Variants in MTMR6 observed in about 807,000 individuals in gnomAD.
The protein encoded by MTMR6 is phosphatidylinositol-3,5-bisphosphate 3-phosphatase MTMR6.
In MTMR6, 47 loss-of-function variants were observed where a neutral mutation model predicts 80.1. That is an observed-to-expected ratio of 0.59 (90% CI 0.46 to 0.75). The LOEUF (loss-of-function observed/expected upper bound fraction) is 0.75, where lower values mean the gene tolerates loss of function less well. Ranked by LOEUF, MTMR6 falls within the 30% of genes least tolerant of loss-of-function variation. The pLI, the probability that MTMR6 is intolerant of heterozygous loss-of-function variation, is 0.00. For synonymous variants in MTMR6, 254 were observed against 253.0 expected, an observed-to-expected ratio of 1.00 and a Z score of -0.04; for missense variants, 629 against 730.9, an observed-to-expected ratio of 0.86 and a Z score of 1.61.
chr13:25,273,652 A>C (rs906523330), intron 2 of MTMR6, among the ~76,000 whole-genome samples: 3 of 151,638 alleles, frequency 2.0e-5, no homozygotes, highest in Non-Finnish European at 4.4e-5. Flanking sequence ...CACCCTCCCA[A>C]GTAGCTGGGA....
At position 25,280,758 on chromosome 13, in the gene MTMR6, G is replaced by GA. The variant is rs1313569570; in HGVS notation, c.24+6465dup. On this transcript the variant is annotated intron_variant, in intron 1 of 13. Transcript: ENST00000381801. ...GTATCATCACAGCCAAAAAGTAAAT[G>GA]AAAAAAAAGAAAAAAAGACTTTGGG... 4.6e-5 allele frequency among the ~76,000 whole-genome samples: 7 copies of GA among 150,670 alleles called. No individual in the cohort carries two copies. The South Asian group carries it at 6.3e-4, about 14-fold the overall frequency.
chr13:25,253,824 A>G lies in MTMR6; in HGVS notation c.1286T>C (p.Ile429Thr), dbSNP rs1049973322. The G allele has an allele frequency of 6.2e-7, 1 of 1,614,020 alleles. No homozygotes were observed. Among genetic ancestry groups the G allele is most frequent in the African/African-American group, 1.3e-5 (1 of 74,918 alleles). Reference protein sequence around the residue: ...EAFLLQIHEHIHSCQFGNFLG... With the variant: ...EAFLLQIHEHTHSCQFGNFLG... Reference sequence around the variant, plus strand: ...GAAGTTTCCAAACTGGCATGAATGAATATGCTCATGGATCTGAAGAAGAAA... The same window carrying G: ...GAAGTTTCCAAACTGGCATGAATGAGTATGCTCATGGATCTGAAGAAGAAA... The change falls in exon 11 of 14, where the codon ATT becomes ACT. Residue 429 changes from isoleucine (I) to threonine (T), a missense_variant. By Grantham distance (89) the Ile-to-Thr change is moderately conservative (BLOSUM62 -1). Coordinates refer to ENST00000381801, the MANE Select transcript of MTMR6 (RefSeq NM_004685.5).
chr13:25,282,021 T>A (rs182748432), intron 1 of MTMR6, among the ~76,000 whole-genome samples: 1 of 152,306 alleles, frequency 6.6e-6, no homozygotes, highest in East Asian at 1.9e-4. Flanking sequence ...AAGACTACAG[T>A]AACTTGCCCC....
chr13:25,253,886 G>T lies in MTMR6; in HGVS notation c.1224C>A (p.Thr408=). The change falls in exon 11 of 14, where the codon ACC becomes ACA. Residue 408 remains threonine (T), a synonymous_variant. Transcript: ENST00000381801. ...TQFLECVWHL[T]EQFPQAFEFS... is the part of the protein sequence containing the mutation. Reference sequence around the variant, plus strand: ...ATTCAAAGGCTTGTGGAAACTGTTCGGTCAAATGCCACACACATTCCAAGA... The same window carrying T: ...ATTCAAAGGCTTGTGGAAACTGTTCTGTCAAATGCCACACACATTCCAAGA... The T allele has an allele frequency of 6.2e-7, 1 of 1,614,066 alleles. No individual in the cohort carries two copies. The highest frequency in any genetic ancestry group is 8.5e-7 in the Non-Finnish European group (1 of 1,179,994).
chr13:25,286,266 G>A (rs943921504), intron 1 of MTMR6, among the ~76,000 whole-genome samples: 1 of 152,148 alleles, frequency 6.6e-6, no homozygotes, highest in African/African-American at 2.4e-5. Flanking sequence ...TTGGAACAAT[G>A]AAGATAACGA....
At chr13:25,254,362 A>G (rs1372494966) in intron 10 of MTMR6, 23 bp downstream of exon 10, 3 of 1,518,532 alleles carry the variant, frequency 2.0e-6, no homozygotes, top group African/African-American at 2.7e-5. Flanking sequence ...TATAAAATAT[A>G]TGACTGTGTA....
chr13:25,282,207 A>G (rs1425941144), intron 1 of MTMR6, among the ~76,000 whole-genome samples: 1 of 151,984 alleles, frequency 6.6e-6, no homozygotes, highest in Non-Finnish European at 1.5e-5. Context: ...CACCAGTTTC[A>G]GGTTTATACT....
chr13:25,278,784 C>T (rs1012698944), intron 1 of MTMR6, among the ~76,000 whole-genome samples: 6 of 150,176 alleles, frequency 4.0e-5, no homozygotes, highest in Non-Finnish European at 5.9e-5. Flanking sequence ...ACTTAGGAGG[C>T]TGAGGCATGA....
chr13:25,266,907 T>A (rs1320029708), intron 3 of MTMR6, among the ~76,000 whole-genome samples: 5 of 152,122 alleles, frequency 3.3e-5, no homozygotes, highest in Non-Finnish European at 7.4e-5. Flanking sequence ...GTCCGACATA[T>A]AATTCAAGTC....
At chr13:25,270,448 A>G (rs573080376) in intron 2 of MTMR6, among the ~76,000 whole-genome samples, 1 of 152,314 alleles carries the variant, frequency 6.6e-6, no homozygotes, top group Non-Finnish European at 1.5e-5. Context: ...AATAACACAG[A>G]TATCTTTTTG....
At chr13:25,260,783 T>C in intron 6 of MTMR6, 1 of 521,054 alleles carries the variant, frequency 1.9e-6, no homozygotes, top group Non-Finnish European at 2.7e-6. Context: ...TTTAACTATG[T>C]TAATAAAAAG....
chr13:25,261,626 A>G (rs994370245), intron 6 of MTMR6, 42 bp downstream of exon 6: 1 of 1,450,960 alleles, frequency 6.9e-7, no homozygotes, highest in Non-Finnish European at 9.2e-7. Flanking sequence ...AAGTAATAAA[A>G]ATAATTAAAC....
intron 1 of MTMR6, among the ~76,000 whole-genome samples, chr13:25,281,457 C>T (rs1318256293): frequency 6.6e-6 from 1 of 151,988 alleles, no homozygotes; most frequent in Admixed American, 6.6e-5. Context: ...AGAAAAGATT[C>T]CAAATGAAAA....
At chr13:25,254,334 AACTTGGTTT>A in intron 10 of MTMR6, 42 bp downstream of exon 10, 1 of 1,335,054 alleles carries the variant, frequency 7.5e-7, no homozygotes, top group Non-Finnish European at 1.1e-6. Context: ...TGGCATTCTA[AACTTGGTTT>A]ACTAATTTTA....
intron 1 of MTMR6, among the ~76,000 whole-genome samples, chr13:25,280,795 C>T (rs1170244111): frequency 2.6e-5 from 4 of 151,984 alleles, no homozygotes; most frequent in Admixed American, 1.3e-4. Context: ...AAAGAAAGAA[C>T]AAACGAAAAA....
chr13:25,267,590 T>G (rs1481940968), intron 3 of MTMR6, among the ~76,000 whole-genome samples, 189 bp downstream of exon 3: 2 of 152,232 alleles, frequency 1.3e-5, no homozygotes, highest in African/African-American at 2.4e-5. Context: ...CCCCTTCTGA[T>G]GACACCATTC....
At chr13:25,260,968 C>T (rs1266250961) in intron 6 of MTMR6, among the ~76,000 whole-genome samples, 2 of 151,908 alleles carry the variant, frequency 1.3e-5, no homozygotes, top group Admixed American at 6.6e-5. Context: ...ATTATTTTAG[C>T]ATAAAAATGT....
chr13:25,285,893 C>G (rs9511740), intron 1 of MTMR6, among the ~76,000 whole-genome samples: 131,423 of 152,120 alleles, frequency 0.86, 57,328 homozygotes, highest in East Asian at 0.98. Context: ...AATAGAGGAG[C>G]TTCGAACTGA....
chr13:25,249,257 T>C lies in MTMR6; in HGVS notation c.1841A>G (p.Tyr614Cys). 6.2e-7 allele frequency: 1 copy of C among 1,613,858 alleles called. No individual in the cohort carries two copies. The highest frequency in any genetic ancestry group is 8.5e-7 in the Non-Finnish European group (1 of 1,179,816). ...CTAACAAGTCATTCTTGCCACACCA[T>C]ACTCTAAGCTGACCACAGCAGGTTC... ...KSEPAVVSLE[Y>C]GVARMTC Residue 614 changes from tyrosine (Y) to cysteine (C), a missense_variant, in exon 14 of 14, where the codon TAT becomes TGT. By Grantham distance (194) the Tyr-to-Cys change is radical. Coordinates refer to ENST00000381801, the MANE Select transcript of MTMR6 (RefSeq NM_004685.5).
Sources: allele counts gnomAD v4.1 joint callset (sites outside exome capture counted in the v4.1 genomes callset), GRCh38; gene constraint gnomAD v4.1.1; transcripts MANE v1.5; gene names NCBI Gene and HGNC (gene_info 2026-07-23, HGNC 2026-07-21).